Variants in TTLL5 observed in about 807,000 individuals in gnomAD.
The protein encoded by TTLL5 is tubulin tyrosine ligase like 5.
A neutral mutation model predicts 168.4 loss-of-function variants in TTLL5; 132 were observed. That is an observed-to-expected ratio of 0.78 (90% CI 0.68 to 0.91). TTLL5 has a LOEUF of 0.91. Among genes scored for constraint, TTLL5 ranks in the 40% least tolerant of loss-of-function variants. TTLL5 has a pLI of 0.00. For missense variants in TTLL5, 1,545 were observed against 1,581.5 expected, an observed-to-expected ratio of 0.98 and a Z score of 0.39; for synonymous variants, 546 against 558.6, an observed-to-expected ratio of 0.98 and a Z score of 0.32.
chr14:75,689,375 TA>T (rs1230862125), intron 5 of TTLL5: 3 of 152,182 alleles, frequency 2.0e-5, no homozygotes, highest in African/African-American at 4.8e-5. Flanking sequence ...GTCATAAATA[TA>T]TACTGTTATT....
At chr14:75,934,328 A>G (rs2034369276) in intron 31 of TTLL5, among the ~76,000 whole-genome samples, 2 of 152,210 alleles carry the variant, frequency 1.3e-5, no homozygotes, top group Admixed American at 6.5e-5. Context: ...TTGCTTTTAA[A>G]TAAGTTAAAG....
Position 75,707,034 on chromosome 14 carries a change from T to A in TTLL5, c.602T>A (p.Leu201Gln), listed in dbSNP as rs527434155. ...YLINNPNQIS[L>Q]EENILVSRYI... ...ACTCAATAGCCAAACCAGATCTCCC[T>A]GGAAGAGAACATTTTGGTCTCCCGT... The change falls in exon 8 of 32, where the codon CTG becomes CAG. Residue 201 changes from leucine to glutamine, a missense_variant. Transcript: ENST00000298832. 1.1e-5 allele frequency: 17 copies of A among 1,612,476 alleles called. No individual in the cohort carries two copies. In the East Asian group the frequency reaches 3.3e-4, roughly 32 times the overall value.
intron 28 of TTLL5, among the ~76,000 whole-genome samples, chr14:75,859,816 C>T (rs1897313776): frequency 6.6e-6 from 1 of 152,174 alleles, no homozygotes; most frequent in African/African-American, 2.4e-5. Flanking sequence ...AGTTATGGTA[C>T]ACCTGGCCTC....
At chr14:75,813,294 GTGTGTGTGTGT>G (rs1894178751) in intron 27 of TTLL5, among the ~76,000 whole-genome samples, 1 of 150,164 alleles carries the variant, frequency 6.7e-6, no homozygotes, top group Non-Finnish European at 1.5e-5. Context: ...GTGTGTGTGT[GTGTGTGTGTGT>G]GTGTGTGTGT....
intron 31 of TTLL5, among the ~76,000 whole-genome samples, chr14:75,911,438 A>T (rs1369784930): frequency 6.6e-6 from 1 of 152,218 alleles, no homozygotes; most frequent in Admixed American, 6.5e-5. Context: ...TGGGGAAAGA[A>T]GTTAGAAAAC....
At chr14:75,786,220 T>C (rs1892353154) in intron 26 of TTLL5, among the ~76,000 whole-genome samples, 1 of 152,194 alleles carries the variant, frequency 6.6e-6, no homozygotes, top group Non-Finnish European at 1.5e-5. Context: ...TCGGTAATAA[T>C]AATGATCAAT....
At chr14:75,888,654 G>T (rs1232538274) in intron 30 of TTLL5, among the ~76,000 whole-genome samples, 2 of 152,266 alleles carry the variant, frequency 1.3e-5, no homozygotes, top group Admixed American at 6.5e-5. Flanking sequence ...CAGTGGCTCA[G>T]GCTGGGCATG....
intron 15 of TTLL5, chr14:75,744,244 T>G (rs948708428): frequency 2.0e-5 from 3 of 152,236 alleles, no homozygotes; most frequent in Non-Finnish European, 4.4e-5. Flanking sequence ...TTGGCAGATT[T>G]GTCTTATTTT....
At chr14:75,885,019 A>T (rs2032033571) in intron 30 of TTLL5, among the ~76,000 whole-genome samples, 1 of 150,208 alleles carries the variant, frequency 6.7e-6, no homozygotes, top group South Asian at 2.1e-4. Flanking sequence ...AAATACAAAA[A>T]AAAATTAGCC....
intron 30 of TTLL5, among the ~76,000 whole-genome samples, chr14:75,899,115 T>C (rs1301082664): frequency 6.6e-6 from 1 of 152,200 alleles, no homozygotes; most frequent in African/African-American, 2.4e-5. Context: ...GTATATTTAG[T>C]CCATAATATA....
intron 17 of TTLL5, among the ~76,000 whole-genome samples, chr14:75,751,494 CT>C (rs1291132014): frequency 6.6e-6 from 1 of 152,150 alleles, no homozygotes; most frequent in Admixed American, 6.5e-5. Flanking sequence ...TGCAGAGACG[CT>C]GGACAAAGGG....
intron 31 of TTLL5, among the ~76,000 whole-genome samples, chr14:75,917,906 G>A (rs2033677166): frequency 6.6e-6 from 1 of 152,164 alleles, no homozygotes; most frequent in Non-Finnish European, 1.5e-5. Context: ...CAGTGGCAGG[G>A]TAAGTAAGGG....
At chr14:75,880,138 G>GGA (rs58469251) in intron 29 of TTLL5, among the ~76,000 whole-genome samples, 23 of 150,608 alleles carry the variant, frequency 1.5e-4, no homozygotes, top group African/African-American at 4.1e-4. Flanking sequence ...GCAGATACTA[G>GGA]GAGAGAGAGA....
chr14:75,863,730 T>TA lies in TTLL5; in HGVS notation c.3391dup (p.Thr1131AsnfsTer26), dbSNP rs1376558051. The TA allele has an allele frequency of 2.5e-6, 4 of 1,613,510 alleles. No individual in the cohort carries two copies. In the Admixed American group the frequency reaches 5.0e-5, roughly 20 times the overall value. The stretch of plus-strand genomic sequence containing the variant: ...TAGAAAACAACGTGTACAGCCAGGC[T>TA]ACAGGGGTGGTCCCCCAGCACAAGT... On this transcript the variant is annotated frameshift_variant, in exon 29 of 32. Transcript: ENST00000298832. LOFTEE classifies it high-confidence loss of function.
intron 6 of TTLL5, among the ~76,000 whole-genome samples, chr14:75,695,713 G>T (rs1237806147): frequency 1.3e-5 from 2 of 152,024 alleles, no homozygotes; most frequent in Non-Finnish European, 2.9e-5. Flanking sequence ...TGGTTCCCCC[G>T]ATAGCCAGAA....
intron 28 of TTLL5, among the ~76,000 whole-genome samples, chr14:75,843,983 C>T (rs1318165063): frequency 6.6e-6 from 1 of 151,574 alleles, no homozygotes; most frequent in Admixed American, 6.6e-5. Context: ...AACCACACCT[C>T]CCAAGTTCAG....
chr14:75,947,722 A>G (rs755265327), intron 31 of TTLL5, among the ~76,000 whole-genome samples: 5 of 152,130 alleles, frequency 3.3e-5, no homozygotes, highest in Non-Finnish European at 7.4e-5. Context: ...AGGCAGGAGT[A>G]TCACTCTAGC....
Position 75,882,970 on chromosome 14 carries a change from T to A in TTLL5, c.3740+68T>A, listed in dbSNP as rs1460677110. 2.0e-6 allele frequency: 3 copies of A among 1,523,738 alleles called. No individual in the cohort carries two copies. In the African/African-American group the frequency reaches 4.1e-5, roughly 21 times the overall value. 94.4% of individuals were successfully genotyped at this position (1,523,738 alleles called of 1,614,324 possible). A position where few individuals can be genotyped will look rare whatever the true frequency, so the allele number is the denominator to read the frequency against. ...CTAAGCTAATAGTACTCTTTATTTATTACTCTTCAAGACCGTTCGTACTGA... is the reference window on the plus strand; with the variant it reads ...CTAAGCTAATAGTACTCTTTATTTAATACTCTTCAAGACCGTTCGTACTGA... On this transcript the variant is annotated intron_variant, in intron 30 of 31. Coordinates refer to ENST00000298832, the MANE Select transcript of TTLL5 (RefSeq NM_015072.5).
chr14:75,790,912 C>T (rs1331968536), intron 26 of TTLL5, among the ~76,000 whole-genome samples: 9 of 145,558 alleles, frequency 6.2e-5, no homozygotes, highest in South Asian at 2.2e-4. Context: ...CTGGCTAACA[C>T]GGTGAAACCC....
Sources: gnomAD v4.1 joint callset for allele counts (sites outside exome capture counted in the v4.1 genomes callset) on GRCh38, gnomAD v4.1.1 for gene constraint, MANE v1.5 for transcripts, NCBI Gene and HGNC (gene_info 2026-07-23, HGNC 2026-07-21) for gene names.